Variants in MOB3B observed in about 807,000 individuals in gnomAD.
The protein encoded by MOB3B is MOB kinase activator-like 2B.
A neutral mutation model predicts 18.7 loss-of-function variants in MOB3B; 7 were observed. The ratio of observed to expected loss-of-function variants is 0.37; its 90% CI spans 0.21 to 0.70. The LOEUF is 0.70. MOB3B is among the 30% of genes least tolerant of loss of function. The pLI, the probability that MOB3B is intolerant of heterozygous loss-of-function variation, is 0.52. For missense variants in MOB3B, 253 were observed against 281.3 expected, an observed-to-expected ratio of 0.90 and a Z score of 0.72; for synonymous variants, 111 against 99.9, an observed-to-expected ratio of 1.11 and a Z score of -0.66.
intron 1 of MOB3B, among the ~76,000 whole-genome samples, chr9:27,496,108 A>G (rs1191769223): frequency 4.6e-5 from 7 of 152,130 alleles, no homozygotes; most frequent in Admixed American, 3.3e-4. Flanking sequence ...GAGCAAAAAA[A>G]CTCTCATTAC....
intron 2 of MOB3B, 120 bp from the exon 3 acceptor site, chr9:27,359,356 A>T: frequency 1.4e-5 from 7 of 487,814 alleles, no homozygotes; most frequent in Non-Finnish European, 2.5e-5. Context: ...CCGTCACAGG[A>T]GTCATAGGGA....
chr9:27,426,588 C>T (rs1342922747), intron 2 of MOB3B, among the ~76,000 whole-genome samples: 1 of 152,210 alleles, frequency 6.6e-6, no homozygotes, highest in Non-Finnish European at 1.5e-5. Context: ...CATTGCCTGT[C>T]AGAGCTCTAC....
At chr9:27,349,585 A>C (rs1821076382) in intron 3 of MOB3B, among the ~76,000 whole-genome samples, 1 of 152,208 alleles carries the variant, frequency 6.6e-6, no homozygotes, top group East Asian at 1.9e-4. Context: ...ATGAAGACGA[A>C]TTAATCCCTG....
chr9:27,429,022 C>T (rs193013005), intron 2 of MOB3B, among the ~76,000 whole-genome samples: 1 of 152,208 alleles, frequency 6.6e-6, no homozygotes, highest in African/African-American at 2.4e-5. Context: ...TGGTTCTTGA[C>T]TCATACATAC....
At chr9:27,407,058 T>C (rs1304631965) in intron 2 of MOB3B, among the ~76,000 whole-genome samples, 1 of 152,064 alleles carries the variant, frequency 6.6e-6, no homozygotes, top group Non-Finnish European at 1.5e-5. Flanking sequence ...AGGTTGGTCT[T>C]GAACTCCTGA....
intron 2 of MOB3B, among the ~76,000 whole-genome samples, chr9:27,422,104 G>A (rs1822262201): frequency 6.6e-6 from 1 of 152,196 alleles, no homozygotes; most frequent in East Asian, 1.9e-4. Flanking sequence ...ATAAATACAT[G>A]AATACGTGAA....
chr9:27,466,246 T>C (rs1300828918), intron 1 of MOB3B, among the ~76,000 whole-genome samples: 1 of 152,194 alleles, frequency 6.6e-6, no homozygotes, highest in East Asian at 1.9e-4. Flanking sequence ...TCCACAAATC[T>C]CTAGGGCCAC....
rs569479619 is a variant in MOB3B, at chr9:27,349,282, C to T, written c.621+9752G>A. The stretch of plus-strand genomic sequence containing the variant: ...GTGCTCCTGAGACCACACAAGTGAC[C>T]ACACAAGTCCCTAGGCTAGGTACTG... On this transcript the variant is annotated intron_variant, in intron 3 of 3. Coordinates refer to ENST00000262244, the MANE Select transcript of MOB3B (RefSeq NM_024761.5). Among the ~76,000 whole-genome samples, 11 of 152,268 alleles carry T rather than the reference C, an allele frequency of 7.2e-5. No homozygotes were observed. The South Asian group carries it at 2.3e-3, about 32-fold the overall frequency.
chr9:27,418,091 C>CAAAAAAAAAAAAAAAAAAAAAAAAAAA (rs57850999), intron 2 of MOB3B, among the ~76,000 whole-genome samples: 1 of 44,060 alleles, frequency 2.3e-5, no homozygotes, highest in African/African-American at 6.9e-5. Context: ...GACTCCACCT[C>CAAAAAAAAAAAAAAAAAAAAAAAAAAA]AAAAAAAAAA....
chr9:27,371,913 T>G (rs1821422214), intron 2 of MOB3B, among the ~76,000 whole-genome samples: 1 of 152,208 alleles, frequency 6.6e-6, no homozygotes, highest in African/African-American at 2.4e-5. Context: ...TTCAAACGTT[T>G]TATTTATTAA....
chr9:27,473,159 T>G (rs1289962757), intron 1 of MOB3B, among the ~76,000 whole-genome samples: 1 of 152,210 alleles, frequency 6.6e-6, no homozygotes. Context: ...CAAGGAGCCC[T>G]GATTTATTTC....
chr9:27,358,863 C>T (rs775864000), intron 3 of MOB3B, 171 bp downstream of exon 3: 1 of 777,272 alleles, frequency 1.3e-6, no homozygotes. Context: ...TGACAGTGGA[C>T]ATCTTGGCAT....
At chr9:27,346,212 T>G (rs911111897) in intron 3 of MOB3B, among the ~76,000 whole-genome samples, 4 of 152,202 alleles carry the variant, frequency 2.6e-5, no homozygotes, top group Admixed American at 2.6e-4. Flanking sequence ...TACCAAACCC[T>G]TATTGGATAC....
chr9:27,527,681 G>T (rs1345456221), intron 1 of MOB3B, among the ~76,000 whole-genome samples: 1 of 152,194 alleles, frequency 6.6e-6, no homozygotes, highest in Non-Finnish European at 1.5e-5. Flanking sequence ...GGGACTCATT[G>T]GGGATCCCAC....
At chr9:27,363,010 C>T (rs757026011) in intron 2 of MOB3B, among the ~76,000 whole-genome samples, 3 of 152,186 alleles carry the variant, frequency 2.0e-5, no homozygotes, top group Non-Finnish European at 4.4e-5. Context: ...TAACTAACCT[C>T]ATGGCAGCAA....
intron 1 of MOB3B, among the ~76,000 whole-genome samples, chr9:27,469,889 C>T (rs139744243): frequency 3.6e-4 from 55 of 152,050 alleles, no homozygotes; most frequent in African/African-American, 1.1e-3. Context: ...AATTAGAGAC[C>T]AGCCTGGGCA....
intron 3 of MOB3B, among the ~76,000 whole-genome samples, chr9:27,339,985 A>G (rs1483479747): frequency 3.3e-5 from 5 of 152,260 alleles, no homozygotes; most frequent in Non-Finnish European, 7.3e-5. Context: ...AACTCTAAGT[A>G]TATACAGGAT....
chr9:27,497,923 TC>T (rs2131492407), intron 1 of MOB3B, among the ~76,000 whole-genome samples: 2 of 152,298 alleles, frequency 1.3e-5, no homozygotes, highest in East Asian at 3.9e-4. Flanking sequence ...AAAATGAAAC[TC>T]CAAGAAAGAC....
At chr9:27,459,956 AC>A (rs1323716453) in intron 1 of MOB3B, among the ~76,000 whole-genome samples, 1 of 151,792 alleles carries the variant, frequency 6.6e-6, no homozygotes, top group African/African-American at 2.4e-5. Flanking sequence ...CATGAACTGC[AC>A]CCATGACAAT....
Sources: gnomAD v4.1 joint callset for allele counts (sites outside exome capture counted in the v4.1 genomes callset) on GRCh38, gnomAD v4.1.1 for gene constraint, MANE v1.5 for transcripts, NCBI Gene and HGNC (gene_info 2026-07-23, HGNC 2026-07-21) for gene names.